MCM8: variants seen among roughly 807,000 people sequenced by gnomAD.
MCM8 encodes minichromosome maintenance 8 homologous recombination repair factor, also known as DNA helicase MCM8.
MCM8 carries 85 observed loss-of-function variants against 98.9 expected under a neutral mutation model. The observed-to-expected ratio is 0.86, with a 90% CI of 0.72 to 1.03. The LOEUF (loss-of-function observed/expected upper bound fraction) is 1.03, where lower values mean the gene tolerates loss of function less well. MCM8 is among the 50% of genes least tolerant of loss of function. MCM8 has a pLI of 0.00. For missense variants in MCM8, 951 were observed against 997.8 expected (o/e 0.95, Z 0.63); for synonymous variants, 352 against 338.6 (o/e 1.04, Z -0.44).
At chr20:5,957,010 T>C (rs187964300) in intron 5 of MCM8, 116 bp from the exon 6 acceptor site, 151 of 507,772 alleles carry the variant, frequency 3.0e-4, no homozygotes, top group Admixed American at 4.4e-4. Context: ...GCTGTTAAAG[T>C]TTTCTGTTTT....
chr20:5,972,843 GAT>G, intron 11 of MCM8: 2 of 1,361,126 alleles, frequency 1.5e-6, no homozygotes, highest in Non-Finnish European at 1.9e-6. Flanking sequence ...TAATTTCTAA[GAT>G]AGCTCTGATT....
chr20:5,968,931 A>G (rs2089339988), intron 10 of MCM8, among the ~76,000 whole-genome samples: 1 of 152,234 alleles, frequency 6.6e-6, no homozygotes, highest in Non-Finnish European at 1.5e-5. Context: ...TGCCGTGGAG[A>G]AGCAGCAAAG....
At chr20:5,961,127 A>G (rs868801038) in intron 7 of MCM8, among the ~76,000 whole-genome samples, 1 of 152,186 alleles carries the variant, frequency 6.6e-6, no homozygotes, top group Non-Finnish European at 1.5e-5. Flanking sequence ...TGTAGTCCCA[A>G]CTACTCAGTA....
intron 12 of MCM8, among the ~76,000 whole-genome samples, chr20:5,973,546 C>T (rs1286602252): frequency 6.6e-6 from 1 of 152,216 alleles, no homozygotes; most frequent in African/African-American, 2.4e-5. Context: ...AGCAGGGTCA[C>T]CTATTCTCCC....
chr20:5,952,816 A>G (rs2088868934), intron 3 of MCM8, among the ~76,000 whole-genome samples: 1 of 152,252 alleles, frequency 6.6e-6, no homozygotes, highest in South Asian at 2.1e-4. Context: ...GTAACTCCCC[A>G]GAAAGTAGTA....
chr20:5,993,797 C>T (rs1438369582), intron 18 of MCM8, 102 bp downstream of exon 18: 1 of 958,578 alleles, frequency 1.0e-6, no homozygotes, highest in Non-Finnish European at 1.5e-6. Flanking sequence ...TTCATACCTG[C>T]TTCTTCTCAA....
intron 12 of MCM8, among the ~76,000 whole-genome samples, chr20:5,974,471 T>A (rs569367300): frequency 6.6e-6 from 1 of 152,352 alleles, no homozygotes; most frequent in South Asian, 2.1e-4. Context: ...CTTCACTCGA[T>A]GTGGAAAATT....
intron 1 of MCM8, 25 bp from the exon 2 acceptor site, chr20:5,951,986 G>T (rs1440863805): frequency 6.3e-7 from 1 of 1,588,514 alleles, no homozygotes; most frequent in South Asian, 1.1e-5. Flanking sequence ...TTTTGGTGAA[G>T]ACCTTTTTAA....
rs774868866 is a variant in MCM8 at position 5,973,160 on chromosome 20, T to C, written c.1359T>C (p.Val453=). ...GGGGAGACCCCCACATCCTTGTTGT[T>C]GGAGATCCAGGCCTAGGAAAAAGTC... ...PIRGDPHILV[V]GDPGLGKSQM... is the part of the protein sequence containing the mutation. The change falls in exon 12 of 19, where the codon GTT becomes GTC. Residue 453 remains valine (V), a synonymous_variant. Transcript: ENST00000610722. 1.2e-6 allele frequency: 2 copies of C among 1,614,200 alleles called. No individual in the cohort carries two copies. The highest frequency in any genetic ancestry group is 1.7e-6 in the Non-Finnish European group (2 of 1,180,022).
At chr20:5,964,935 A>G (rs1329103387) in intron 8 of MCM8, among the ~76,000 whole-genome samples, 2 of 152,240 alleles carry the variant, frequency 1.3e-5, no homozygotes, top group Admixed American at 6.5e-5. Context: ...TACATTATAC[A>G]TAACTTTAGA....
At chr20:5,992,738 T>C (rs1197264174) in intron 17 of MCM8, among the ~76,000 whole-genome samples, 2 of 152,222 alleles carry the variant, frequency 1.3e-5, no homozygotes, top group African/African-American at 4.8e-5. Context: ...ATACCTGTTT[T>C]GTTCACCACT....
Position 5,958,595 on chromosome 20 carries a change from G to A in MCM8, c.658G>A (p.Ala220Thr), listed in dbSNP as rs1021607900. 1 of 1,614,110 alleles carries A rather than the reference G, an allele frequency of 6.2e-7. No homozygotes were observed. The highest frequency in any genetic ancestry group is 1.1e-5 in the South Asian group (1 of 91,084). The change falls in exon 7 of 19, where the codon GCT becomes ACT. Residue 220 changes from alanine (A) to threonine (T), a missense_variant. By Grantham distance (58) the Ala-to-Thr change is moderately conservative. Transcript: ENST00000610722. ...VRANYYGKYI[A>T]LRGTVVRVSN... is the part of the protein sequence containing the mutation. ...AGCAAATTACTATGGAAAATACATT[G>A]CTCTAAGAGGGACAGTGGTTCGTGT...
chr20:5,994,596 C>A lies in MCM8; in HGVS notation c.*205C>A. 1.9e-6 allele frequency: 1 copy of A among 516,004 alleles called. No homozygotes were observed. The highest frequency in any genetic ancestry group is 3.4e-6 in the Non-Finnish European group (1 of 291,490). The allele number at this position is 516,004 out of a possible 1,614,324, so 32.0% of individuals were successfully genotyped here. ...GGAAAAAAGCATTAAATATAATAAA[C>A]TAATTTAAGAAGTGATAAAGTCTCC... On this transcript the variant is annotated 3_prime_UTR_variant, in exon 19 of 19. Coordinates refer to ENST00000610722, the MANE Select transcript of MCM8 (RefSeq NM_032485.6).
At chr20:5,952,329 G>A (rs2088852877) in intron 2 of MCM8, 95 bp from the exon 3 acceptor site, 1 of 1,553,230 alleles carries the variant, frequency 6.4e-7, no homozygotes, top group Non-Finnish European at 8.8e-7. Flanking sequence ...CCCCTAATTT[G>A]GATACTCTAT....
Position 5,993,508 on chromosome 20 carries a change from T to C in MCM8, c.2243T>C (p.Met748Thr). Residue 748 changes from methionine to threonine, a missense_variant and splice_region_variant, in exon 18 of 19, where the codon ATG becomes ACG. Transcript: ENST00000610722. ...EDIVEIMKYSMLGTYSDEFGN... is the reference protein window; with the variant it reads ...EDIVEIMKYSTLGTYSDEFGN... ...TTTTTTCTTCCTTTCTTTTTAAGCATGCTAGGAACTTACTCTGATGAATTT... is the reference window on the plus strand; with the variant it reads ...TTTTTTCTTCCTTTCTTTTTAAGCACGCTAGGAACTTACTCTGATGAATTT... 6.5e-7 allele frequency: 1 copy of C among 1,544,348 alleles called. No homozygotes were observed. Among genetic ancestry groups the C allele is most frequent in the Non-Finnish European group, 8.8e-7 (1 of 1,138,630 alleles).
At position 5,958,426 on chromosome 20, in the gene MCM8, G is replaced by T. The variant is rs1266785913; in HGVS notation, c.591-102G>T. On this transcript the variant is annotated intron_variant, in intron 6 of 18. Coordinates refer to ENST00000610722, the MANE Select transcript of MCM8 (RefSeq NM_032485.6). Reference sequence around the variant, plus strand: ...CTTGTGATATTTCTGATATATCGAAGGGATGATTTGATTTGAGAATTCCAT... The same window carrying T: ...CTTGTGATATTTCTGATATATCGAATGGATGATTTGATTTGAGAATTCCAT... The T allele has an allele frequency of 4.8e-6, 4 of 830,480 alleles. No individual in the cohort carries two copies. In the East Asian group the frequency reaches 9.9e-5, roughly 20 times the overall value. The allele number at this position is 830,480 out of a possible 1,614,324, so 51.4% of individuals were successfully genotyped here.
intron 17 of MCM8, among the ~76,000 whole-genome samples, chr20:5,990,016 A>G (rs950393729): frequency 6.6e-6 from 1 of 152,102 alleles, no homozygotes; most frequent in African/African-American, 2.4e-5. Flanking sequence ...GCTAATTTCT[A>G]ACAACTTACC....
intron 6 of MCM8, among the ~76,000 whole-genome samples, chr20:5,958,300 C>A (rs2122668293): frequency 6.6e-6 from 1 of 152,278 alleles, no homozygotes; most frequent in Middle Eastern, 3.4e-3. Flanking sequence ...ACCCGGGAGG[C>A]AGTGGTTGCA....
chr20:5,956,844 TG>T (rs369137038), intron 5 of MCM8, among the ~76,000 whole-genome samples: 1 of 152,178 alleles, frequency 6.6e-6, no homozygotes, highest in Non-Finnish European at 1.5e-5. Flanking sequence ...GTGATGGTTT[TG>T]GGGACTAATG....
Sources: gnomAD v4.1 joint callset for allele counts (sites outside exome capture counted in the v4.1 genomes callset) on GRCh38, gnomAD v4.1.1 for gene constraint, MANE v1.5 for transcripts, NCBI Gene and HGNC (gene_info 2026-07-23, HGNC 2026-07-21) for gene names.